NUP210: variants seen among roughly 807,000 people sequenced by gnomAD.
NUP210 encodes the protein nuclear pore membrane glycoprotein 210.
NUP210 carries 151 observed loss-of-function variants against 196.0 expected under a neutral mutation model. The observed-to-expected ratio is 0.77, with a 90% CI of 0.67 to 0.88. The LOEUF is 0.88. Among genes scored for constraint, NUP210 ranks in the 40% least tolerant of loss-of-function variants. The probability of loss-of-function intolerance (pLI) is 0.00; values close to 1 mark genes in which losing one functional copy is unlikely to be tolerated. For missense variants in NUP210, 2,314 were observed against 2,493.7 expected (o/e 0.93, Z 1.53); for synonymous variants, 1,070 against 1,052.7 (o/e 1.02, Z -0.32).
intron 16 of NUP210, among the ~76,000 whole-genome samples, chr3:13,357,360 A>G (rs981996267): frequency 1.3e-5 from 2 of 151,914 alleles, no homozygotes; most frequent in African/African-American, 4.8e-5. Flanking sequence ...TGCGTGCCCT[A>G]TTTCACTTCC....
At position 13,323,395 on chromosome 3, in the gene NUP210, T is replaced by G. The variant is rs1007295353; in HGVS notation, c.4682A>C (p.His1561Pro). Reference protein sequence around the residue: ...VSVPQRIMARHLHPIQTSFQE... With the variant: ...VSVPQRIMARPLHPIQTSFQE... ...GAAGCTGGTCTGGATGGGGTGGAGGTGACGGGCCATGATCCTCTGAGGGAC... is the reference window on the plus strand; with the variant it reads ...GAAGCTGGTCTGGATGGGGTGGAGGGGACGGGCCATGATCCTCTGAGGGAC... Residue 1561 changes from histidine to proline, a missense_variant, in exon 34 of 40, where the codon CAC (histidine) becomes CCC (proline). His to Pro is a moderately conservative substitution (Grantham distance 77). Transcript: ENST00000254508. The surrounding 1 kb of genome is among the most constrained non-coding windows in gnomAD (Gnocchi z 4.3). 6.2e-7 allele frequency: 1 copy of G among 1,613,928 alleles called. No homozygotes were observed. Among genetic ancestry groups the G allele is most frequent in the Admixed American group, 1.7e-5 (1 of 60,006 alleles).
At chr3:13,355,748 AAT>A (rs1265219119) in intron 16 of NUP210, among the ~76,000 whole-genome samples, 1 of 152,174 alleles carries the variant, frequency 6.6e-6, no homozygotes, top group East Asian at 1.9e-4. Flanking sequence ...CATTATTCAT[AAT>A]ATAGAAGCCG....
chr3:13,408,128 A>G (rs1014027281), intron 1 of NUP210, among the ~76,000 whole-genome samples: 2 of 152,202 alleles, frequency 1.3e-5, no homozygotes, highest in Admixed American at 1.3e-4. Flanking sequence ...CCATGGAGAC[A>G]AATACATGGC....
intron 20 of NUP210, among the ~76,000 whole-genome samples, chr3:13,346,655 G>A (rs1251886560): frequency 1.3e-5 from 2 of 152,170 alleles, no homozygotes; most frequent in African/African-American, 2.4e-5. Context: ...ACATCATCTC[G>A]GTCCCCGCTT....
intron 26 of NUP210, 150 bp from the exon 27 acceptor site, chr3:13,337,068 A>T (rs1697246405): frequency 1.1e-6 from 1 of 952,154 alleles, no homozygotes; most frequent in African/African-American, 1.6e-5. Context: ...AATTTTGATG[A>T]AATATCAAAC....
Position 13,397,379 on chromosome 3 carries a change from C to A in NUP210, c.414G>T (p.Lys138Asn). The change falls in exon 3 of 40, where the codon AAG becomes AAT. Residue 138 changes from lysine (K) to asparagine (N), a missense_variant. Transcript: ENST00000254508. Reference protein sequence around the residue: ...LYLEDSPLELKIQALDSEGNT... With the variant: ...LYLEDSPLELNIQALDSEGNT... ...CACCTTCGGAGTCCAGGGCCTGGAT[C>A]TTCAGCTCCAGGGGGGAGTCCTCCA... 1.2e-6 allele frequency: 2 copies of A among 1,611,362 alleles called. No individual in the cohort carries two copies. Among genetic ancestry groups the A allele is most frequent in the South Asian group, 2.2e-5 (2 of 90,784 alleles).
In NUP210 at chr3:13,355,602, C is replaced by T. The variant is rs147250380; in HGVS notation, c.2329-1495G>A. On this transcript the variant is annotated intron_variant, in intron 16 of 39. Coordinates refer to ENST00000254508, the MANE Select transcript of NUP210 (RefSeq NM_024923.4). The stretch of plus-strand genomic sequence containing the variant: ...ATACAGTCACAAAACACCCCACCTG[C>T]ACCATGAGGGCTCCTCCCAACTCCT... 1.2e-3 allele frequency among the ~76,000 whole-genome samples: 188 copies of T among 152,368 alleles called. 2 individuals are homozygous for T. Among genetic ancestry groups the T allele is most frequent in the African/African-American group, 4.4e-3 (184 of 41,594 alleles).
intron 1 of NUP210, among the ~76,000 whole-genome samples, chr3:13,402,329 C>T (rs1249780723): frequency 6.6e-6 from 1 of 152,170 alleles, no homozygotes; most frequent in African/African-American, 2.4e-5. Context: ...CATTCGATGG[C>T]CCCTGGGAAC....
intron 3 of NUP210, 38 bp downstream of exon 3, chr3:13,397,319 T>C (rs752043052): frequency 7.5e-6 from 12 of 1,595,608 alleles, no homozygotes; most frequent in South Asian, 2.2e-5. Context: ...TGATCTAGCA[T>C]GGGCTGCAGA....
In NUP210 at chr3:13,376,336, C is replaced by T. The variant is rs1373825029; in HGVS notation, c.1248G>A (p.Arg416=). The T allele has an allele frequency of 1.2e-6, 2 of 1,614,220 alleles. No homozygotes were observed. Among genetic ancestry groups the T allele is most frequent in the Non-Finnish European group, 1.7e-6 (2 of 1,180,044 alleles). ...GSYHRIRALK[R]GQTAIDAALT... Reference sequence around the variant, plus strand: ...GGGCCGCGTCAATGGCCGTCTGTCCCCTCTTTAGTGCCCTGATGCGATGGT... The same window carrying T: ...GGGCCGCGTCAATGGCCGTCTGTCCTCTCTTTAGTGCCCTGATGCGATGGT... Residue 416 remains arginine, a synonymous_variant, in exon 10 of 40, where the codon AGG becomes AGA. Transcript: ENST00000254508.
intron 2 of NUP210, 92 bp from the exon 3 acceptor site, chr3:13,397,580 C>A: frequency 7.4e-7 from 1 of 1,346,632 alleles, no homozygotes; most frequent in Non-Finnish European, 9.8e-7. Flanking sequence ...CTGGCAAAGA[C>A]CACGGCAACC....
In NUP210 at chr3:13,323,671, G is replaced by A. The variant is rs1696630235; in HGVS notation, c.4645-239C>T. Among the ~76,000 whole-genome samples the A allele has an allele frequency of 6.6e-6, 1 of 152,204 alleles. No homozygotes were observed. Among genetic ancestry groups the A allele is most frequent in the African/African-American group, 2.4e-5 (1 of 41,448 alleles). On this transcript the variant is annotated intron_variant, in intron 33 of 39. Coordinates refer to ENST00000254508, the MANE Select transcript of NUP210 (RefSeq NM_024923.4). The surrounding 1 kb of genome is among the most constrained non-coding windows in gnomAD (Gnocchi z 4.3). The stretch of plus-strand genomic sequence containing the variant: ...GAACAAGCTGCTTCCCCCAGCAGCT[G>A]ACTGGACGCTGAGCAGCGGGCCTGA...
intron 21 of NUP210, among the ~76,000 whole-genome samples, chr3:13,342,501 C>T (rs896551543): frequency 5.3e-5 from 8 of 152,068 alleles, no homozygotes; most frequent in Admixed American, 4.6e-4. Flanking sequence ...AAATACACAG[C>T]GAAGAAACAG....
intron 39 of NUP210, among the ~76,000 whole-genome samples, chr3:13,318,734 T>G (rs1696376981): frequency 6.6e-6 from 1 of 152,186 alleles, no homozygotes; most frequent in Non-Finnish European, 1.5e-5. Context: ...AATCCCCATC[T>G]GTGAGTCAGC....
chr3:13,406,360 C>T (rs893095153), intron 1 of NUP210, among the ~76,000 whole-genome samples: 3 of 152,246 alleles, frequency 2.0e-5, no homozygotes, highest in South Asian at 2.1e-4. Context: ...TGGGACCCAC[C>T]GTGAGGAACA....
chr3:13,351,568 C>T (rs1697972086), intron 20 of NUP210: 1 of 304,014 alleles, frequency 3.3e-6, no homozygotes, highest in Non-Finnish European at 6.2e-6. Flanking sequence ...TCAATGCACC[C>T]CTCAACCTCC....
chr3:13,416,842 A>G (rs1205367008), intron 1 of NUP210, among the ~76,000 whole-genome samples: 1 of 152,246 alleles, frequency 6.6e-6, no homozygotes, highest in East Asian at 1.9e-4. Flanking sequence ...AATGTAAGAA[A>G]GGAGCTAGGA....
At position 13,323,542 on chromosome 3, in the gene NUP210, C is replaced by A; in HGVS notation, c.4645-110G>T. On this transcript the variant is annotated intron_variant, in intron 33 of 39. Coordinates refer to ENST00000254508, the MANE Select transcript of NUP210 (RefSeq NM_024923.4). The surrounding 1 kb of genome is among the most constrained non-coding windows in gnomAD (Gnocchi z 4.3). ...CTGTGACATAGTGTCACCCGTTTCA[C>A]AGGTGGCAACACTGAGGCTCAAAGC... 1.6e-6 allele frequency: 2 copies of A among 1,255,806 alleles called. No homozygotes were observed. Among genetic ancestry groups the A allele is most frequent in the Non-Finnish European group, 2.2e-6 (2 of 895,640 alleles). 77.8% of individuals were successfully genotyped at this position (1,255,806 alleles called of 1,614,324 possible). A position where few individuals can be genotyped will look rare whatever the true frequency, so the allele number is the denominator to read the frequency against.
chr3:13,417,499 A>G (rs2124970946), intron 1 of NUP210, among the ~76,000 whole-genome samples: 1 of 152,332 alleles, frequency 6.6e-6, no homozygotes, highest in African/African-American at 2.4e-5. Flanking sequence ...AACTTTCTGG[A>G]TGAAGAGGTA....
Sources: gnomAD v4.1 joint callset for allele counts (sites outside exome capture counted in the v4.1 genomes callset) on GRCh38, gnomAD v4.1.1 for gene constraint, Gnocchi (gnomAD v3.1) non-coding constraint, MANE v1.5 for transcripts, NCBI Gene and HGNC (gene_info 2026-07-23, HGNC 2026-07-21) for gene names.